Variants in MLYCD observed in about 807,000 individuals in gnomAD.
MLYCD encodes the protein malonyl-CoA decarboxylase.
In MLYCD, 27 loss-of-function variants were observed where a neutral mutation model predicts 35.8. The observed-to-expected ratio is 0.75, with a 90% confidence interval of 0.56 to 1.04. The LOEUF is 1.04. MLYCD is among the 50% of genes least tolerant of loss of function. The pLI, the probability that MLYCD is intolerant of heterozygous loss-of-function variation, is 0.00. For synonymous variants in MLYCD, 403 were observed against 302.4 expected, an observed-to-expected ratio of 1.33 and a Z score of -3.45; for missense variants, 917 against 665.1, an observed-to-expected ratio of 1.38 and a Z score of -4.17.
chr16:83,911,829 C>G (rs1460298268), intron 3 of MLYCD: 3 of 274,132 alleles, frequency 1.1e-5, no homozygotes, highest in African/African-American at 6.6e-5. Context: ...TTAGGAGAAG[C>G]TGAAGGAACT....
In MLYCD at chr16:83,923,680, C is replaced by CGAGCTGGGAGAGGGCTGAG; in HGVS notation, c.*8192_*8210dup. Reference sequence around the variant, plus strand: ...ACTTAGAGATGAGGCGATGAGGCGGCGAGCTGGGAGAGGGCTGAGCAGCTG... The same window carrying CGAGCTGGGAGAGGGCTGAG: ...ACTTAGAGATGAGGCGATGAGGCGGCGAGCTGGGAGAGGGCTGAGGAGCTGGGAGAGGGCTGAGCAGCTG... On this transcript the variant is annotated 3_prime_UTR_variant, in exon 5 of 5. Coordinates refer to ENST00000262430, the MANE Select transcript of MLYCD (RefSeq NM_012213.3). 1 of 152,334 alleles carries CGAGCTGGGAGAGGGCTGAG rather than the reference C, an allele frequency of 6.6e-6. No individual in the cohort carries two copies. Among genetic ancestry groups the CGAGCTGGGAGAGGGCTGAG allele is most frequent in the Non-Finnish European group, 1.5e-5 (1 of 68,146 alleles). The allele number at this position is 152,334 out of a possible 1,614,324, so 9.4% of individuals were successfully genotyped here. A position where few individuals can be genotyped will look rare whatever the true frequency, so the allele number is the denominator to read the frequency against.
intron 1 of MLYCD, among the ~76,000 whole-genome samples, chr16:83,901,523 G>T (rs1233327375): frequency 6.6e-6 from 1 of 152,160 alleles, no homozygotes; most frequent in Admixed American, 6.5e-5. Context: ...AAAGGTTTCT[G>T]CCCAGCTGAG....
chr16:83,902,883 C>T (rs993201251), intron 1 of MLYCD, among the ~76,000 whole-genome samples: 1 of 152,014 alleles, frequency 6.6e-6, no homozygotes, highest in African/African-American at 2.4e-5. Flanking sequence ...GATTTGTGGC[C>T]TCCTGAATGT....
At chr16:83,906,359 C>G (rs1252589397) in intron 1 of MLYCD, among the ~76,000 whole-genome samples, 1 of 152,170 alleles carries the variant, frequency 6.6e-6, no homozygotes, top group Non-Finnish European at 1.5e-5. Flanking sequence ...CTGTTGCACT[C>G]CAGCCTGGGT....
At chr16:83,903,065 C>G (rs1023324644) in intron 1 of MLYCD, among the ~76,000 whole-genome samples, 1 of 152,046 alleles carries the variant, frequency 6.6e-6, no homozygotes, top group Non-Finnish European at 1.5e-5. Context: ...CGAGTCGAAT[C>G]CCCAGTAGAG....
At chr16:83,902,910 A>T (rs1375864805) in intron 1 of MLYCD, among the ~76,000 whole-genome samples, 1 of 151,986 alleles carries the variant, frequency 6.6e-6, no homozygotes, top group Non-Finnish European at 1.5e-5. Flanking sequence ...GTTTGGAGGT[A>T]TGTGTGTCCC....
chr16:83,912,995 C>G (rs1292596695), intron 4 of MLYCD: 1 of 164,386 alleles, frequency 6.1e-6, no homozygotes, highest in Non-Finnish European at 1.4e-5. Context: ...AACCACCAGC[C>G]TCATCAGGGA....
At chr16:83,904,714 A>G (rs1218227212) in intron 1 of MLYCD, among the ~76,000 whole-genome samples, 1 of 152,224 alleles carries the variant, frequency 6.6e-6, no homozygotes, top group Admixed American at 6.5e-5. Context: ...CCAGCTGTCT[A>G]TCTAATGCTT....
In MLYCD at chr16:83,899,543, G is replaced by A. The variant is rs764427979; in HGVS notation, c.399G>A (p.Leu133=). The A allele has an allele frequency of 1.3e-6, 2 of 1,592,108 alleles. No individual in the cohort carries two copies. Among genetic ancestry groups the A allele is most frequent in the East Asian group, 2.3e-5 (1 of 44,320 alleles). The change falls in exon 1 of 5, where the codon CTG becomes CTA. Residue 133 remains leucine (L), a synonymous_variant. Coordinates refer to ENST00000262430, the MANE Select transcript of MLYCD (RefSeq NM_012213.3). ...LQAEDRLRYA[L]VPRYRGLFHH... is the part of the protein sequence containing the mutation. ...CCGAGGACCGGCTGCGCTACGCGCT[G>A]GTGCCGCGCTATCGCGGCCTCTTCC...
In MLYCD at chr16:83,916,191, T is replaced by G. The variant is rs750965096; in HGVS notation, c.*702T>G. 1.3e-4 allele frequency: 129 copies of G among 988,362 alleles called. 1 individual carries two copies. The highest frequency in any genetic ancestry group is 1.5e-4 in the Non-Finnish European group (122 of 830,772). 61.2% of individuals were successfully genotyped at this position (988,362 alleles called of 1,614,324 possible). On this transcript the variant is annotated 3_prime_UTR_variant, in exon 5 of 5. Transcript: ENST00000262430. Reference sequence around the variant, plus strand: ...TTCTGTAAAGCATTGAACATCTGATTGTGTAGTGGTGGTCGTCTTTAAGAT... The same window carrying G: ...TTCTGTAAAGCATTGAACATCTGATGGTGTAGTGGTGGTCGTCTTTAAGAT...
chr16:83,912,630 A>C (rs957069305), intron 4 of MLYCD: 3 of 500,386 alleles, frequency 6.0e-6, no homozygotes, highest in South Asian at 4.0e-5. Context: ...GAGGTCATCA[A>C]CTCTCTCTAG....
chr16:83,912,646 C>T, intron 4 of MLYCD: 1 of 458,968 alleles, frequency 2.2e-6, no homozygotes, highest in Non-Finnish European at 4.0e-6. Context: ...TCTAGGGTGA[C>T]CTCGTTCTGA....
rs946453793 is a variant in MLYCD, at chr16:83,915,747, C to A, written c.*258C>A. 5.8e-6 allele frequency: 8 copies of A among 1,372,196 alleles called. No homozygotes were observed. The African/African-American group carries it at 1.2e-4, about 20-fold the overall frequency. The allele number at this position is 1,372,196 out of a possible 1,614,324, so 85.0% of individuals were successfully genotyped here. On this transcript the variant is annotated 3_prime_UTR_variant, in exon 5 of 5. Coordinates refer to ENST00000262430, the MANE Select transcript of MLYCD (RefSeq NM_012213.3). ...CTGTGCTGTCTCCGGAAGATTCTGTCGTTGCCCTTGGCCTGGCTCCCTGCC... is the reference window on the plus strand; with the variant it reads ...CTGTGCTGTCTCCGGAAGATTCTGTAGTTGCCCTTGGCCTGGCTCCCTGCC...
At chr16:83,901,678 G>A (rs3826129) in intron 1 of MLYCD, among the ~76,000 whole-genome samples, 10,763 of 152,186 alleles carry the variant, frequency 0.071, 469 homozygotes, top group East Asian at 0.14. Flanking sequence ...TGGTTATCGC[G>A]TCATTGGGAA....
Position 83,899,325 on chromosome 16 carries a change from C to T in MLYCD, c.181C>T (p.Pro61Ser), listed in dbSNP as rs766518554. 3 of 1,502,124 alleles carry T rather than the reference C, an allele frequency of 2.0e-6. No homozygotes were observed. Among genetic ancestry groups the T allele is most frequent in the African/African-American group, 1.4e-5 (1 of 69,014 alleles). The allele number at this position is 1,502,124 out of a possible 1,614,324, so 93.0% of individuals were successfully genotyped here. A position where few individuals can be genotyped will look rare whatever the true frequency, so the allele number is the denominator to read the frequency against. ...GGCCTACGAGCTGCGCGAGAAGACA[C>T]CGGCGCCCGCCGAGGGTCAGTGCGC... ...TPAYELREKT[P>S]APAEGQCADF... is the part of the protein sequence containing the mutation. Residue 61 changes from proline (P) to serine (S), a missense_variant, in exon 1 of 5, where the codon CCG becomes TCG. Transcript: ENST00000262430.
intron 3 of MLYCD, 124 bp from the exon 4 acceptor site, chr16:83,912,094 G>A (rs1464940257): frequency 7.3e-7 from 1 of 1,378,850 alleles, no homozygotes; most frequent in African/African-American, 1.4e-5. Flanking sequence ...CCCAGCTGGG[G>A]AGCCGAGGTC....
At position 83,915,663 on chromosome 16, in the gene MLYCD, G is replaced by A. The variant is rs1209303828; in HGVS notation, c.*174G>A. 1.5e-5 allele frequency: 22 copies of A among 1,498,782 alleles called. No individual in the cohort carries two copies. The highest frequency in any genetic ancestry group is 3.9e-5 in the South Asian group (3 of 77,738). The allele number at this position is 1,498,782 out of a possible 1,614,324, so 92.8% of individuals were successfully genotyped here. A position where few individuals can be genotyped will look rare whatever the true frequency, so the allele number is the denominator to read the frequency against. On this transcript the variant is annotated 3_prime_UTR_variant, in exon 5 of 5. Coordinates refer to ENST00000262430, the MANE Select transcript of MLYCD (RefSeq NM_012213.3). The stretch of plus-strand genomic sequence containing the variant: ...GGCCTCAACTTCCCTCACCCTGGGC[G>A]TGACATGCACCCAGTGCAAGACGGT...
chr16:83,914,099 G>C (rs1434483233), intron 4 of MLYCD: 2 of 152,234 alleles, frequency 1.3e-5, no homozygotes, highest in Non-Finnish European at 2.9e-5. Context: ...ATGTAGTGGA[G>C]TGTGATGGTT....
intron 1 of MLYCD, among the ~76,000 whole-genome samples, chr16:83,904,179 C>T (rs1266517706): frequency 6.6e-6 from 1 of 151,616 alleles, no homozygotes; most frequent in Admixed American, 6.6e-5. Context: ...CTAGGTATTT[C>T]CAGCTTTTTT....
Sources: allele counts gnomAD v4.1 joint callset (sites outside exome capture counted in the v4.1 genomes callset), GRCh38; gene constraint gnomAD v4.1.1; transcripts MANE v1.5; gene names NCBI Gene and HGNC (gene_info 2026-07-23, HGNC 2026-07-21).